The following IL12RB1 variants were observed in gnomAD, a reference collection of about 807,000 sequenced individuals.
IL12RB1 encodes interleukin 12 receptor subunit beta 1, also known as interleukin-12 receptor subunit beta-1.
In IL12RB1, 64 loss-of-function variants were observed where a neutral mutation model predicts 94.4. The observed-to-expected ratio is 0.68, with a 90% CI of 0.55 to 0.83. The LOEUF (loss-of-function observed/expected upper bound fraction) is 0.83. Ranked by LOEUF, IL12RB1 falls within the 40% of genes least tolerant of loss-of-function variation. The pLI, the probability that IL12RB1 is intolerant of heterozygous loss-of-function variation, is 0.00. For synonymous variants in IL12RB1, 362 were observed against 355.5 expected (o/e 1.02, Z -0.21); for missense variants, 814 against 855.6 (o/e 0.95, Z 0.61).
At chr19:18,072,524 G>A (rs1444157584) in intron 8 of IL12RB1, among the ~76,000 whole-genome samples, 175 bp from the exon 9 acceptor site, 1 of 152,112 alleles carries the variant, frequency 6.6e-6, no homozygotes, top group Non-Finnish European at 1.5e-5. Flanking sequence ...TGTGAGACAG[G>A]CATTCACCTC....
chr19:18,070,157 T>C (rs2034922726), intron 9 of IL12RB1, among the ~76,000 whole-genome samples: 1 of 152,142 alleles, frequency 6.6e-6, no homozygotes, highest in Non-Finnish European at 1.5e-5. Flanking sequence ...TGACCTCCAG[T>C]GATCCACCTG....
rs1568522797 is a variant in IL12RB1 at position 18,084,683 on chromosome 19, ATCCATC to A, written c.65-1198_65-1193del. On this transcript the variant is annotated intron_variant, in intron 1 of 16. Coordinates refer to ENST00000593993, the MANE Select transcript of IL12RB1 (RefSeq NM_005535.3). ...CAGCCATCCATCCATCCATCCATCC[ATCCATC>A]CATCCATCCATACATACATACATGT... 8.0e-3 allele frequency among the ~76,000 whole-genome samples: 1,213 copies of A among 152,116 alleles called. 17 individuals are homozygous for A. Among genetic ancestry groups the A allele is most frequent in the African/African-American group, 0.027 (1,111 of 41,474 alleles).
Position 18,063,935 on chromosome 19 carries a change from A to T in IL12RB1, c.1559T>A (p.Val520Glu), listed in dbSNP as rs1399381602. The T allele has an allele frequency of 6.2e-7, 1 of 1,613,210 alleles. No individual in the cohort carries two copies. ...CCTCAGCCACGCTGTGTCTGCTCGC[A>T]CCTGCACCGTGTAGGCTACACCAGC... is the stretch of plus-strand genomic sequence containing the variant. ...LRAGVAYTVQ[V>E]RADTAWLRGV... The change falls in exon 13 of 17, where the codon GTG becomes GAG. Residue 520 changes from valine to glutamate, a missense_variant. Transcript: ENST00000593993.
intron 7 of IL12RB1, among the ~76,000 whole-genome samples, chr19:18,074,822 A>C (rs1314305315): frequency 6.6e-6 from 1 of 151,892 alleles, no homozygotes; most frequent in East Asian, 1.9e-4. Context: ...GAGGCCGAGG[A>C]GGGCAGATCA....
In IL12RB1 at chr19:18,059,899, C is replaced by T; in HGVS notation, c.1978G>A (p.Ala660Thr). ...GGCCCACTGGGCCCCAGGACCTTGG[C>T]CTTGCACCTGTCTCCATCCTCCAAG... ...LSLEDGDRCK[A>T]KM The change falls in exon 16 of 17, where the codon GCC becomes ACC. Residue 660 changes from alanine to threonine, a missense_variant. By Grantham distance (58) the Ala-to-Thr change is moderately conservative. Coordinates refer to ENST00000593993, the MANE Select transcript of IL12RB1 (RefSeq NM_005535.3). The T allele has an allele frequency of 6.4e-7, 1 of 1,572,266 alleles. No individual in the cohort carries two copies. The highest frequency in any genetic ancestry group is 8.6e-7 in the Non-Finnish European group (1 of 1,157,104).
Position 18,086,868 on chromosome 19 carries a change from A to T in IL12RB1, c.-45T>A. 3.1e-6 allele frequency: 5 copies of T among 1,591,554 alleles called. No individual in the cohort carries two copies. The highest frequency in any genetic ancestry group is 4.3e-6 in the Non-Finnish European group (5 of 1,168,674). On this transcript the variant is annotated 5_prime_UTR_variant, in exon 1 of 17. Coordinates refer to ENST00000593993, the MANE Select transcript of IL12RB1 (RefSeq NM_005535.3). ...ACAGCCCCAGGGGAGCCTCTCTGCC[A>T]CCTGCGAGGTTCAGCCACCCCGTCC... is the stretch of plus-strand genomic sequence containing the variant.
chr19:18,088,204 G>A (rs2036461393), upstream of IL12RB1, among the ~76,000 whole-genome samples: 1 of 151,950 alleles, frequency 6.6e-6, no homozygotes. Flanking sequence ...TGACCAAAAT[G>A]GTGAAACCCT....
rs574486067 is a variant in IL12RB1, at chr19:18,063,865, C to T, written c.1618+11G>A. 2.5e-6 allele frequency: 4 copies of T among 1,612,314 alleles called. No homozygotes were observed. The highest frequency in any genetic ancestry group is 2.7e-5 in the African/African-American group (2 of 75,024). ...CTGGGTAAATAACTGGGTCCTACCC[C>T]CTCCACTCACCGATGCTGAAGCGCT... On this transcript the variant is annotated intron_variant, in intron 13 of 16. Transcript: ENST00000593993.
intron 15 of IL12RB1, among the ~76,000 whole-genome samples, chr19:18,060,832 G>C (rs150753070): frequency 1.3e-5 from 2 of 152,120 alleles, no homozygotes; most frequent in African/African-American, 2.4e-5. Flanking sequence ...AACCCTGAAC[G>C]GGCAGCTCCG....
chr19:18,078,361 C>T (rs2035633931), intron 4 of IL12RB1, among the ~76,000 whole-genome samples: 1 of 151,994 alleles, frequency 6.6e-6, no homozygotes, highest in African/African-American at 2.4e-5. Context: ...TAGACAAGAT[C>T]CCACCACTGC....
intron 1 of IL12RB1, among the ~76,000 whole-genome samples, chr19:18,083,937 C>T (rs1165069039): frequency 7.0e-6 from 1 of 142,250 alleles, no homozygotes; most frequent in Admixed American, 7.0e-5. Flanking sequence ...CCATCCACCT[C>T]ACCATCCACC....
rs777285303 is a variant in IL12RB1, at chr19:18,059,573, C to T, written c.*35G>A. 4 of 779,678 alleles carry T rather than the reference C, an allele frequency of 5.1e-6. No homozygotes were observed. Among genetic ancestry groups the T allele is most frequent in the Non-Finnish European group, 7.2e-6 (3 of 417,464 alleles). 48.3% of individuals were successfully genotyped at this position (779,678 alleles called of 1,614,324 possible). A position where few individuals can be genotyped will look rare whatever the true frequency, so the allele number is the denominator to read the frequency against. Reference sequence around the variant, plus strand: ...GACTCCTGTGTGTGCTACGTAGCCTCGGGCGAGTCACTCACCCTCTCTGAG... The same window carrying T: ...GACTCCTGTGTGTGCTACGTAGCCTTGGGCGAGTCACTCACCCTCTCTGAG... On this transcript the variant is annotated 3_prime_UTR_variant, in exon 17 of 17. Transcript: ENST00000593993.
At chr19:18,060,488 C>A (rs1038443612) in intron 15 of IL12RB1, among the ~76,000 whole-genome samples, 1 of 151,992 alleles carries the variant, frequency 6.6e-6, no homozygotes, top group African/African-American at 2.4e-5. Context: ...ATCCTGAGAC[C>A]GATTTGAGGA....
At chr19:18,098,380 C>T (rs1370895980) in intron 1 of IL12RB1, among the ~76,000 whole-genome samples, 1 of 152,088 alleles carries the variant, frequency 6.6e-6, no homozygotes, top group Non-Finnish European at 1.5e-5. Context: ...TCGATCTGCG[C>T]CCTCAACCAG....
chr19:18,069,803 C>G lies in IL12RB1; in HGVS notation c.1022-90G>C, dbSNP rs555269285. On this transcript the variant is annotated intron_variant, in intron 9 of 16. Coordinates refer to ENST00000593993, the MANE Select transcript of IL12RB1 (RefSeq NM_005535.3). ...GCTCCTGCAGCCTCTCTCCCACCCT[C>G]TCGTCTATACCCCTGACCCTACAGG... 67 of 945,226 alleles carry G rather than the reference C, an allele frequency of 7.1e-5. No individual in the cohort carries two copies. In the Middle Eastern group the frequency reaches 8.7e-4, roughly 12 times the overall value. The allele number at this position is 945,226 out of a possible 1,614,324, so 58.6% of individuals were successfully genotyped here.
chr19:18,078,472 A>C (rs2035642915), intron 4 of IL12RB1, among the ~76,000 whole-genome samples: 1 of 152,020 alleles, frequency 6.6e-6, no homozygotes, highest in African/African-American at 2.4e-5. Flanking sequence ...TATACACAGG[A>C]TCCTGTTAGT....
rs1259138980 is a variant in IL12RB1, at chr19:18,073,537, G to T, written c.763C>A (p.Arg255=). 3.1e-6 allele frequency: 5 copies of T among 1,609,824 alleles called. No individual in the cohort carries two copies. Among genetic ancestry groups the T allele is most frequent in the Middle Eastern group, 1.7e-4 (1 of 6,058 alleles). ...GTTACCTGCTCTTTCAGGGTCAGCC[G>T]CCTCCTCCCATCCTGGCCCAGCTGC... is the stretch of plus-strand genomic sequence containing the variant. The part of the protein sequence containing the change: ...VEQLGQDGRR[R]LTLKEQPTQL... Residue 255 remains arginine (R), a synonymous_variant, in exon 8 of 17, where the codon CGG becomes AGG. Coordinates refer to ENST00000593993, the MANE Select transcript of IL12RB1 (RefSeq NM_005535.3).
chr19:18,073,005 G>T (rs1221256262), intron 8 of IL12RB1, among the ~76,000 whole-genome samples: 1 of 151,194 alleles, frequency 6.6e-6, no homozygotes, highest in Non-Finnish European at 1.5e-5. Context: ...AGGAACATAG[G>T]AAATAAAGGA....
intron 1 of IL12RB1, among the ~76,000 whole-genome samples, chr19:18,094,412 A>C (rs966574576): frequency 2.6e-5 from 4 of 152,198 alleles, no homozygotes; most frequent in Non-Finnish European, 4.4e-5. Context: ...TACAGACATG[A>C]GCCAGCACAC....
Sources: gnomAD v4.1 joint callset for allele counts (sites outside exome capture counted in the v4.1 genomes callset) on GRCh38, gnomAD v4.1.1 for gene constraint, MANE v1.5 for transcripts, NCBI Gene and HGNC (gene_info 2026-07-23, HGNC 2026-07-21) for gene names.